Variants in RUNX2 observed in about 807,000 individuals in gnomAD.
The protein encoded by RUNX2 is runt-related transcription factor 2.
Under a neutral mutation model 51.7 loss-of-function variants are expected in RUNX2, and 10 were observed. The ratio of observed to expected loss-of-function variants is 0.19; its 90% CI spans 0.12 to 0.33. RUNX2 has a LOEUF of 0.33. Among genes scored for constraint, RUNX2 ranks in the 10% least tolerant of loss-of-function variants. The pLI is 1.00. For synonymous variants in RUNX2, 276 were observed against 273.6 expected (o/e 1.01, Z -0.09); for missense variants, 562 against 691.3 (o/e 0.81, Z 2.10).
intron 7 of RUNX2, among the ~76,000 whole-genome samples, chr6:45,544,144 C>G (rs1802318278): frequency 6.6e-6 from 1 of 151,838 alleles, no homozygotes. Context: ...AAGAAAGAGT[C>G]CATTCTCAAG....
intron 7 of RUNX2, among the ~76,000 whole-genome samples, chr6:45,522,787 A>G (rs1801547317): frequency 6.6e-6 from 1 of 152,222 alleles, no homozygotes; most frequent in African/African-American, 2.4e-5. Context: ...AGAAAAGTCT[A>G]CCCAGGAATC....
chr6:45,330,117 CA>C (rs535852435), intron 2 of RUNX2, among the ~76,000 whole-genome samples: 11 of 149,846 alleles, frequency 7.3e-5, no homozygotes, highest in East Asian at 3.9e-4. Flanking sequence ...TTGTATTTTA[CA>C]AAAAAAAATG....
intron 7 of RUNX2, among the ~76,000 whole-genome samples, chr6:45,521,015 C>T (rs959484931): frequency 6.6e-6 from 1 of 152,114 alleles, no homozygotes; most frequent in African/African-American, 2.4e-5. Context: ...CATGCCCAGC[C>T]CATATTGTCC....
intron 4 of RUNX2, 145 bp downstream of exon 4, chr6:45,432,164 T>C (rs574096345): frequency 2.4e-6 from 2 of 822,940 alleles, no homozygotes; most frequent in African/African-American, 1.7e-5. Context: ...CCAGATGAAG[T>C]TGAGTGTTTT....
chr6:45,481,931 C>A lies in RUNX2; in HGVS notation c.686-10010C>A, dbSNP rs906909824. ...CTTACAACTCTGAAAAATCCTAATT[C>A]ATATAATTTTACTTTGAATTGGAGT... On this transcript the variant is annotated intron_variant, in intron 5 of 8. Coordinates refer to ENST00000647337, the MANE Select transcript of RUNX2 (RefSeq NM_001024630.4). 2.2e-4 allele frequency among the ~76,000 whole-genome samples: 33 copies of A among 152,182 alleles called. 1 individual carries two copies. Among genetic ancestry groups the A allele is most frequent in the Non-Finnish European group, 8.8e-5 (6 of 68,040 alleles).
chr6:45,415,263 G>T (rs1582086946), intron 2 of RUNX2, among the ~76,000 whole-genome samples: 1 of 152,180 alleles, frequency 6.6e-6, no homozygotes, highest in African/African-American at 2.4e-5. Flanking sequence ...CAAGGAATTG[G>T]CTAGGAAGAA....
At position 45,546,891 on chromosome 6, in the gene RUNX2, G is replaced by C. The variant is rs1802415597; in HGVS notation, c.1152G>C (p.Glu384Asp). 6.2e-7 allele frequency: 1 copy of C among 1,613,724 alleles called. No homozygotes were observed. The highest frequency in any genetic ancestry group is 1.7e-5 in the Admixed American group (1 of 59,960). ...TCCCAAGCATTTCATCCCTCACTGA[G>C]AGCCGCTTCTCCAACCCACGAATGC... is the stretch of plus-strand genomic sequence containing the variant. ...RQFPSISSLT[E>D]SRFSNPRMHY... Residue 384 changes from glutamate (E) to aspartate (D), a missense_variant, in exon 9 of 9, where the codon GAG (glutamate) becomes GAC (aspartate). Glu to Asp is a conservative substitution (Grantham distance 45). Transcript: ENST00000647337.
intron 7 of RUNX2, among the ~76,000 whole-genome samples, chr6:45,516,692 G>A (rs1326233953): frequency 6.6e-6 from 1 of 152,202 alleles, no homozygotes; most frequent in Non-Finnish European, 1.5e-5. Flanking sequence ...AGCCTTATAT[G>A]ACCCGAACCA....
intron 2 of RUNX2, among the ~76,000 whole-genome samples, chr6:45,385,706 C>G (rs556160414): frequency 6.6e-6 from 1 of 152,250 alleles, no homozygotes; most frequent in African/African-American, 2.4e-5. Context: ...TCAAGACCAG[C>G]CTAGTCAATA....
intron 6 of RUNX2, among the ~76,000 whole-genome samples, chr6:45,494,305 T>A (rs1221831875): frequency 2.0e-5 from 3 of 152,244 alleles, no homozygotes; most frequent in Non-Finnish European, 4.4e-5. Context: ...GTTAGGGGGC[T>A]CAGGAAGTTA....
intron 2 of RUNX2, among the ~76,000 whole-genome samples, chr6:45,346,567 C>CTTTTTTTTTTTTTTTTTTTTTT (rs71745024): frequency 1.4e-5 from 2 of 140,430 alleles, no homozygotes; most frequent in African/African-American, 2.6e-5. Flanking sequence ...ATAAACATTT[C>CTTTTTTTTTTTTTTTTTTTTTT]TTTTTTTTTT....
Position 45,365,121 on chromosome 6 carries a change from T to C in RUNX2, c.58+36337T>C, listed in dbSNP as rs112595267. 1.3e-5 allele frequency: 11 copies of C among 821,432 alleles called. No individual in the cohort carries two copies. In the African/African-American group the frequency reaches 1.7e-4, roughly 13 times the overall value. 50.9% of individuals were successfully genotyped at this position (821,432 alleles called of 1,614,324 possible). ...CAAATTATTTCCAAGTTAAGTTTTATAAATGTTGTTATGTCTATTGTCTTT... is the reference window on the plus strand; with the variant it reads ...CAAATTATTTCCAAGTTAAGTTTTACAAATGTTGTTATGTCTATTGTCTTT... On this transcript the variant is annotated intron_variant, in intron 2 of 8. Coordinates refer to ENST00000647337, the MANE Select transcript of RUNX2 (RefSeq NM_001024630.4).
intron 2 of RUNX2, among the ~76,000 whole-genome samples, chr6:45,340,786 T>TA (rs1049779249): frequency 6.6e-6 from 1 of 152,170 alleles, no homozygotes; most frequent in African/African-American, 2.4e-5. Context: ...CAAGAATGTC[T>TA]AATCCTCATT....
At chr6:45,430,177 T>G (rs1207322999) in intron 3 of RUNX2, among the ~76,000 whole-genome samples, 1 of 152,100 alleles carries the variant, frequency 6.6e-6, no homozygotes, top group Non-Finnish European at 1.5e-5. Context: ...ACAAGACAGA[T>G]GAGATGAAGG....
intron 5 of RUNX2, among the ~76,000 whole-genome samples, chr6:45,469,507 T>C (rs185336851): frequency 1.5e-3 from 232 of 152,354 alleles, no homozygotes; most frequent in African/African-American, 5.3e-3. Flanking sequence ...CTTATGAATA[T>C]GTGTCCACTG....
intron 7 of RUNX2, among the ~76,000 whole-genome samples, chr6:45,522,509 CT>C (rs1801537873): frequency 1.3e-5 from 2 of 152,078 alleles, no homozygotes; most frequent in South Asian, 4.1e-4. Context: ...ACGTTTTCAA[CT>C]TTTAAAAATT....
chr6:45,540,771 TC>T (rs1563130833), intron 7 of RUNX2, among the ~76,000 whole-genome samples: 1 of 152,072 alleles, frequency 6.6e-6, no homozygotes, highest in Non-Finnish European at 1.5e-5. Flanking sequence ...TTCCCCTTCA[TC>T]TAGTCTCCCC....
At chr6:45,335,539 T>A (rs1342078467) in intron 2 of RUNX2, among the ~76,000 whole-genome samples, 1 of 151,220 alleles carries the variant, frequency 6.6e-6, no homozygotes, top group East Asian at 1.9e-4. Flanking sequence ...TAAAAGTAAA[T>A]TCTCATTTTA....
chr6:45,422,346 C>T (rs1184114001), intron 2 of RUNX2: 4 of 497,454 alleles, frequency 8.0e-6, no homozygotes, highest in Non-Finnish European at 1.4e-5. Flanking sequence ...ATCTGCGCCT[C>T]CCGGGTCTCC....
Sources: gnomAD v4.1 joint callset for allele counts (sites outside exome capture counted in the v4.1 genomes callset) on GRCh38, gnomAD v4.1.1 for gene constraint, MANE v1.5 for transcripts, NCBI Gene and HGNC (gene_info 2026-07-23, HGNC 2026-07-21) for gene names.